PRKN: variants seen among roughly 807,000 people sequenced by gnomAD.
PRKN encodes the protein E3 ubiquitin-protein ligase parkin.
A neutral mutation model predicts 59.5 loss-of-function variants in PRKN; 56 were observed. The observed-to-expected ratio is 0.94, with a 90% CI of 0.76 to 1.18. PRKN has a LOEUF of 1.18. PRKN is among the 50% of genes most tolerant of loss of function. PRKN has a pLI of 0.00. For missense variants in PRKN, 657 were observed against 596.4 expected, an observed-to-expected ratio of 1.10 and a Z score of -1.06; for synonymous variants, 250 against 222.1, an observed-to-expected ratio of 1.13 and a Z score of -1.12.
chr6:162,366,318 A>G (rs1785434681), intron 2 of PRKN, among the ~76,000 whole-genome samples: 1 of 152,158 alleles, frequency 6.6e-6, no homozygotes, highest in Non-Finnish European at 1.5e-5. Context: ...TTCCATTATT[A>G]TACAAGATTG....
At chr6:162,452,202 A>G (rs894490153) in intron 1 of PRKN, among the ~76,000 whole-genome samples, 2 of 152,202 alleles carry the variant, frequency 1.3e-5, no homozygotes, top group African/African-American at 4.8e-5. Context: ...AGATTAAATA[A>G]AATTAAGATA....
chr6:161,553,770 TAACTC>T (rs1780128667), intron 8 of PRKN, among the ~76,000 whole-genome samples: 1 of 152,232 alleles, frequency 6.6e-6, no homozygotes, highest in African/African-American at 2.4e-5. Context: ...AAGTGTGTTT[TAACTC>T]AATGCAGTGA....
At chr6:161,794,364 A>T (rs1790754482) in intron 6 of PRKN, among the ~76,000 whole-genome samples, 1 of 151,974 alleles carries the variant, frequency 6.6e-6, no homozygotes. Context: ...AGGTCTCATG[A>T]GTGTTGGCGG....
chr6:162,021,306 A>C (rs1783177136), intron 5 of PRKN, among the ~76,000 whole-genome samples: 1 of 140,266 alleles, frequency 7.1e-6, no homozygotes, highest in African/African-American at 2.6e-5. Flanking sequence ...AAATGACTAA[A>C]AATCTGATGC....
At chr6:162,402,234 G>T (rs953420169) in intron 2 of PRKN, among the ~76,000 whole-genome samples, 4 of 135,040 alleles carry the variant, frequency 3.0e-5, no homozygotes, top group Non-Finnish European at 6.2e-5. Flanking sequence ...GGGTGACAGA[G>T]TGAGACTCTG....
At chr6:162,564,352 A>G (rs1779973185) in intron 1 of PRKN, among the ~76,000 whole-genome samples, 2 of 149,998 alleles carry the variant, frequency 1.3e-5, no homozygotes, top group African/African-American at 4.9e-5. Context: ...TCAAAAAAAA[A>G]AGAACAAAAA....
At chr6:162,147,110 G>A (rs1010652016) in intron 4 of PRKN, among the ~76,000 whole-genome samples, 29 of 150,868 alleles carry the variant, frequency 1.9e-4, no homozygotes, top group African/African-American at 6.8e-4. Context: ...GGAGGCTGAG[G>A]TGGGAGGATC....
intron 5 of PRKN, among the ~76,000 whole-genome samples, chr6:162,030,578 G>T (rs1046673600): frequency 6.6e-6 from 1 of 152,120 alleles, no homozygotes; most frequent in African/African-American, 2.4e-5. Context: ...TCCAGCACTT[G>T]CCAAAACCCT....
At chr6:162,668,720 T>C (rs1282907772) in intron 1 of PRKN, among the ~76,000 whole-genome samples, 2 of 152,188 alleles carry the variant, frequency 1.3e-5, no homozygotes, top group Non-Finnish European at 2.9e-5. Flanking sequence ...GCTCCCACTG[T>C]AGCATCCTGT....
chr6:162,500,423 CA>C (rs35573330), intron 1 of PRKN, among the ~76,000 whole-genome samples: 74,212 of 151,572 alleles, frequency 0.49, 18,199 homozygotes, highest in Middle Eastern at 0.54. Flanking sequence ...CCACCCGCCT[CA>C]GACTCCTAAA....
chr6:162,436,718 A>T (rs752783631), intron 2 of PRKN, among the ~76,000 whole-genome samples: 6 of 120,326 alleles, frequency 5.0e-5, no homozygotes, highest in Non-Finnish European at 8.4e-5. Context: ...TGCTTAGTTT[A>T]AATATTTGGT....
intron 9 of PRKN, among the ~76,000 whole-genome samples, chr6:161,482,876 G>A (rs961437828): frequency 2.0e-5 from 3 of 152,182 alleles, no homozygotes; most frequent in African/African-American, 7.2e-5. Flanking sequence ...CTTACAATAT[G>A]ACTTTCATAA....
intron 2 of PRKN, among the ~76,000 whole-genome samples, chr6:162,390,653 G>A (rs1053054921): frequency 6.6e-6 from 1 of 151,914 alleles, no homozygotes; most frequent in Non-Finnish European, 1.5e-5. Context: ...ATGTTGGCCA[G>A]GCTGATCTCG....
intron 1 of PRKN, among the ~76,000 whole-genome samples, chr6:162,703,310 A>T (rs1778224397): frequency 6.6e-6 from 1 of 152,244 alleles, no homozygotes. Flanking sequence ...ATACATGTAA[A>T]ATATGTATAA....
chr6:162,618,341 A>G (rs550987270), intron 1 of PRKN, among the ~76,000 whole-genome samples: 7 of 152,166 alleles, frequency 4.6e-5, no homozygotes, highest in South Asian at 2.1e-4. Context: ...ATAAACAACT[A>G]TTTTAAGCGC....
Position 162,583,696 on chromosome 6 carries a change from G to A in PRKN, c.8-140223C>T, listed in dbSNP as rs183540624. Among the ~76,000 whole-genome samples the A allele has an allele frequency of 4.1e-4, 63 of 152,182 alleles. No individual in the cohort carries two copies. In the East Asian group the frequency reaches 7.9e-3, roughly 19 times the overall value. ...AGAGTTATCCCTCTCTGCAAGTAGCGAGACTCATAAACTCTACATGAGCAT... is the reference window on the plus strand; with the variant it reads ...AGAGTTATCCCTCTCTGCAAGTAGCAAGACTCATAAACTCTACATGAGCAT... On this transcript the variant is annotated intron_variant, in intron 1 of 11. Transcript: ENST00000366898.
intron 6 of PRKN, among the ~76,000 whole-genome samples, chr6:161,811,035 A>C (rs1252876259): frequency 6.6e-6 from 1 of 152,198 alleles, no homozygotes; most frequent in Non-Finnish European, 1.5e-5. Flanking sequence ...TGATCTGTAG[A>C]TTCGAAATAA....
intron 4 of PRKN, among the ~76,000 whole-genome samples, chr6:162,145,948 T>C (rs1014509406): frequency 2.0e-5 from 3 of 152,192 alleles, no homozygotes; most frequent in Non-Finnish European, 4.4e-5. Context: ...GAGGCTGAAG[T>C]GAAGATACAA....
chr6:162,159,104 T>A (rs934792163), intron 4 of PRKN, among the ~76,000 whole-genome samples: 1 of 152,038 alleles, frequency 6.6e-6, no homozygotes, highest in Admixed American at 6.5e-5. Context: ...CCAGGCTCTG[T>A]GTCAAAAACA....
Sources: gnomAD v4.1 joint callset for allele counts (sites outside exome capture counted in the v4.1 genomes callset) on GRCh38, gnomAD v4.1.1 for gene constraint, MANE v1.5 for transcripts, NCBI Gene and HGNC (gene_info 2026-07-23, HGNC 2026-07-21) for gene names.